RANBP2: variants seen among roughly 807,000 people sequenced by gnomAD.
The protein encoded by RANBP2 is E3 SUMO-protein ligase RanBP2.
RANBP2 carries 57 observed loss-of-function variants against 303.6 expected under a neutral mutation model. The observed-to-expected ratio is 0.19, with a 90% CI of 0.15 to 0.23. The LOEUF (loss-of-function observed/expected upper bound fraction) is 0.23. Ranked by LOEUF, RANBP2 falls within the 10% of genes least tolerant of loss-of-function variation. RANBP2 has a pLI of 1.00. For missense variants in RANBP2, 3,138 were observed against 3,780.8 expected, an observed-to-expected ratio of 0.83 and a Z score of 4.46; for synonymous variants, 1,167 against 1,301.5, an observed-to-expected ratio of 0.90 and a Z score of 2.23.
At chr2:109,130,431 C>T in the RANBP2 span, among the ~76,000 whole-genome samples, 2 of 152,212 alleles carry the variant, frequency 1.3e-5, no homozygotes. Context: ...TCCCTAGAAA[C>T]GGGGACCTTC....
the RANBP2 span, among the ~76,000 whole-genome samples, chr2:108,809,319 C>A: frequency 6.6e-6 from 1 of 152,090 alleles, no homozygotes; most frequent in East Asian, 1.9e-4. Flanking sequence ...TGATTTCATA[C>A]ACAGTTTAGA....
chr2:109,401,253 T>G, the RANBP2 span, among the ~76,000 whole-genome samples: 1 of 152,234 alleles, frequency 6.6e-6, no homozygotes, highest in African/African-American at 2.4e-5. Context: ...GTTGGCGATG[T>G]GAACAGTCGA....
chr2:108,871,424 G>A, the RANBP2 span, among the ~76,000 whole-genome samples: 1 of 149,460 alleles, frequency 6.7e-6, no homozygotes, highest in Admixed American at 6.7e-5. Flanking sequence ...ATGATGGTGT[G>A]TGCCTGTAAT....
chr2:109,277,081 C>A, the RANBP2 span, among the ~76,000 whole-genome samples: 1 of 152,182 alleles, frequency 6.6e-6, no homozygotes, highest in Admixed American at 6.5e-5. Flanking sequence ...AAGTCAGCCC[C>A]ACGCCGGCGG....
the RANBP2 span, among the ~76,000 whole-genome samples, chr2:109,240,747 T>G: frequency 6.6e-6 from 1 of 151,894 alleles, no homozygotes; most frequent in East Asian, 1.9e-4. Context: ...CTTCTGAGCT[T>G]CTTCCTATTT....
the RANBP2 span, among the ~76,000 whole-genome samples, chr2:108,939,440 T>G: frequency 6.6e-6 from 1 of 152,268 alleles, no homozygotes; most frequent in African/African-American, 2.4e-5. Flanking sequence ...GTGCAGAGTA[T>G]GCGTATGTGA....
the RANBP2 span, among the ~76,000 whole-genome samples, chr2:108,800,361 T>A: frequency 6.6e-6 from 1 of 152,158 alleles, no homozygotes; most frequent in South Asian, 2.1e-4. Flanking sequence ...ACTTCCTGGG[T>A]TCAAGCGATT....
the RANBP2 span, among the ~76,000 whole-genome samples, chr2:108,823,477 G>A: frequency 6.6e-6 from 1 of 152,140 alleles, no homozygotes; most frequent in African/African-American, 2.4e-5. Context: ...GTGACTTTTT[G>A]TGCAAACATT....
At chr2:109,415,692 T>A in the RANBP2 span, among the ~76,000 whole-genome samples, 1 of 152,132 alleles carries the variant, frequency 6.6e-6, no homozygotes, top group Non-Finnish European at 1.5e-5. Context: ...CCACGCAGCC[T>A]GTCCTCATCC....
the RANBP2 span, among the ~76,000 whole-genome samples, chr2:109,230,105 C>T: frequency 2.5e-4 from 38 of 152,008 alleles, no homozygotes; most frequent in African/African-American, 7.2e-4. Flanking sequence ...ATTACAGGTG[C>T]GAGCCACCGC....
At chr2:108,743,730 A>C (rs1696295937) in intron 7 of RANBP2, among the ~76,000 whole-genome samples, 1 of 152,208 alleles carries the variant, frequency 6.6e-6, no homozygotes, top group South Asian at 2.1e-4. Flanking sequence ...TCTGCTTTTA[A>C]AAAATATTGT....
the RANBP2 span, among the ~76,000 whole-genome samples, chr2:108,869,819 A>G: frequency 6.6e-6 from 1 of 152,204 alleles, no homozygotes; most frequent in South Asian, 2.1e-4. Flanking sequence ...AAGGCCTTTC[A>G]TGTCAGTCTT....
chr2:109,143,902 A>G, the RANBP2 span, among the ~76,000 whole-genome samples: 1 of 152,208 alleles, frequency 6.6e-6, no homozygotes. Flanking sequence ...TTGTGATGGC[A>G]TGGATGAGCC....
the RANBP2 span, among the ~76,000 whole-genome samples, chr2:108,927,989 C>T: frequency 2.6e-5 from 4 of 152,174 alleles, no homozygotes; most frequent in Non-Finnish European, 5.9e-5. Context: ...CCTCCACCCC[C>T]GGTGCCTCTG....
chr2:109,485,569 T>C, the RANBP2 span, among the ~76,000 whole-genome samples: 2 of 152,246 alleles, frequency 1.3e-5, no homozygotes, highest in African/African-American at 4.8e-5. Context: ...AATCTATTAC[T>C]TTACCATTTG....
At chr2:108,937,688 TGTGTATGTGTGTGA>T in the RANBP2 span, among the ~76,000 whole-genome samples, 11 of 151,812 alleles carry the variant, frequency 7.2e-5, no homozygotes, top group Middle Eastern at 3.2e-3. Context: ...GTGTATGTGA[TGTGTATGTGTGTGA>T]GTGTATGTGT....
chr2:109,262,075 G>A, the RANBP2 span, among the ~76,000 whole-genome samples: 1 of 152,218 alleles, frequency 6.6e-6, no homozygotes, highest in African/African-American at 2.4e-5. Context: ...AACGGTGCCA[G>A]CAAGCATGAG....
chr2:109,031,654 G>A, the RANBP2 span, among the ~76,000 whole-genome samples: 4 of 152,152 alleles, frequency 2.6e-5, no homozygotes, highest in Admixed American at 6.5e-5. Context: ...AGCGCCCGCT[G>A]GAGGAACGGA....
At chr2:109,447,564 G>A in the RANBP2 span, among the ~76,000 whole-genome samples, 2 of 152,140 alleles carry the variant, frequency 1.3e-5, no homozygotes, top group Non-Finnish European at 2.9e-5. Flanking sequence ...TGTGAGCTGC[G>A]TGGTGCTGCC....
Sources: allele counts gnomAD v4.1 joint callset (sites outside exome capture counted in the v4.1 genomes callset), GRCh38; gene constraint gnomAD v4.1.1; transcripts MANE v1.5; gene names NCBI Gene and HGNC (gene_info 2026-07-23, HGNC 2026-07-21).